ATRNL1: variants seen among roughly 807,000 people sequenced by gnomAD.
The protein encoded by ATRNL1 is attractin like 1.
A neutral mutation model predicts 182.7 loss-of-function variants in ATRNL1; 95 were observed. That is an observed-to-expected ratio of 0.52 (90% CI 0.44 to 0.62). The LOEUF (loss-of-function observed/expected upper bound fraction) is 0.62. ATRNL1 is among the 20% of genes least tolerant of loss of function. The pLI is 0.00. For missense variants in ATRNL1, 1,471 were observed against 1,679.5 expected (o/e 0.88, Z 2.17); for synonymous variants, 576 against 568.3 (o/e 1.01, Z -0.19).
At chr10:115,513,983 G>C (rs1850516067) in intron 24 of ATRNL1, among the ~76,000 whole-genome samples, 2 of 151,770 alleles carry the variant, frequency 1.3e-5, no homozygotes, top group Admixed American at 1.3e-4. Flanking sequence ...AGTGTCCCTT[G>C]CATCAGTTTT....
chr10:115,646,132 A>G (rs1254755141), intron 26 of ATRNL1, among the ~76,000 whole-genome samples: 2 of 151,622 alleles, frequency 1.3e-5, no homozygotes, highest in Non-Finnish European at 2.9e-5. Context: ...TATAAAGGAG[A>G]TGATCTTTAT....
chr10:115,682,724 C>T (rs1305125929), intron 26 of ATRNL1, among the ~76,000 whole-genome samples: 1 of 152,000 alleles, frequency 6.6e-6, no homozygotes, highest in African/African-American at 2.4e-5. Context: ...CAGTTCCCTA[C>T]CTTTATGCTC....
chr10:115,640,869 T>TA (rs1207056335), intron 26 of ATRNL1, among the ~76,000 whole-genome samples: 29 of 151,972 alleles, frequency 1.9e-4, no homozygotes, highest in Non-Finnish European at 2.9e-5. Flanking sequence ...TGAATGGTAT[T>TA]GCCTAGGTTT....
At chr10:115,488,434 C>T (rs1420222914) in intron 24 of ATRNL1, among the ~76,000 whole-genome samples, 1 of 152,094 alleles carries the variant, frequency 6.6e-6, no homozygotes, top group African/African-American at 2.4e-5. Context: ...TCAACTTATT[C>T]CTGGTTTAAT....
At chr10:115,864,992 AAAAAG>A (rs1483723142) in intron 28 of ATRNL1, among the ~76,000 whole-genome samples, 16 of 151,866 alleles carry the variant, frequency 1.1e-4, no homozygotes, top group Middle Eastern at 3.4e-3. Flanking sequence ...AAAAAAAAAA[AAAAAG>A]AAAAGACCAG....
At chr10:115,193,073 T>C (rs1848229257) in intron 8 of ATRNL1, among the ~76,000 whole-genome samples, 1 of 152,064 alleles carries the variant, frequency 6.6e-6, no homozygotes. Context: ...TTCTCTTGTC[T>C]AATTGCTGTA....
At chr10:115,250,046 G>C (rs1850808885) in intron 10 of ATRNL1, among the ~76,000 whole-genome samples, 1 of 152,092 alleles carries the variant, frequency 6.6e-6, no homozygotes, top group Non-Finnish European at 1.5e-5. Context: ...TTGTTATCTG[G>C]ACAGCAGAGA....
At chr10:115,223,836 C>G (rs1203602540) in intron 9 of ATRNL1, among the ~76,000 whole-genome samples, 1 of 144,460 alleles carries the variant, frequency 6.9e-6, no homozygotes, top group African/African-American at 2.6e-5. Flanking sequence ...AAGAAAAACC[C>G]TAATATATAT....
chr10:115,126,419 G>T (rs911369608), intron 3 of ATRNL1, among the ~76,000 whole-genome samples: 1 of 152,032 alleles, frequency 6.6e-6, no homozygotes, highest in East Asian at 1.9e-4. Flanking sequence ...CTATTATAAA[G>T]ACCTATTTTT....
intron 13 of ATRNL1, among the ~76,000 whole-genome samples, chr10:115,276,977 T>A (rs1027523490): frequency 6.6e-6 from 1 of 152,130 alleles, no homozygotes; most frequent in South Asian, 2.1e-4. Flanking sequence ...CATAAAACTA[T>A]TATTCTTTTT....
At chr10:115,558,822 G>A (rs571836433) in intron 26 of ATRNL1, among the ~76,000 whole-genome samples, 8 of 151,908 alleles carry the variant, frequency 5.3e-5, no homozygotes, top group Non-Finnish European at 1.0e-4. Flanking sequence ...TTCTCAGTAA[G>A]AACAGCAAAT....
At chr10:115,329,080 A>T (rs1392799528) in intron 18 of ATRNL1, among the ~76,000 whole-genome samples, 2 of 152,078 alleles carry the variant, frequency 1.3e-5, no homozygotes, top group African/African-American at 4.8e-5. Context: ...CCCATAAAAA[A>T]TGTATAGAGT....
chr10:115,555,828 TAGTC>T (rs1396303277), intron 26 of ATRNL1, among the ~76,000 whole-genome samples: 2 of 152,028 alleles, frequency 1.3e-5, no homozygotes. Flanking sequence ...TATAAACAAA[TAGTC>T]AAATAATGGG....
chr10:115,536,397 G>A (rs1554990357), intron 25 of ATRNL1, among the ~76,000 whole-genome samples: 1 of 152,208 alleles, frequency 6.6e-6, no homozygotes, highest in African/African-American at 2.4e-5. Flanking sequence ...GACTCCGTGG[G>A]CGTAGGACCC....
rs550049489 is a variant in ATRNL1 at position 115,134,414 on chromosome 10, T to G, written c.829+4879T>G. Reference sequence around the variant, plus strand: ...TCAGAGAATACTATAAACACCTCTATGCAAATGAACTAGAAAATCTAGAAG... The same window carrying G: ...TCAGAGAATACTATAAACACCTCTAGGCAAATGAACTAGAAAATCTAGAAG... On this transcript the variant is annotated intron_variant, in intron 5 of 28. Transcript: ENST00000355044. 2.0e-5 allele frequency among the ~76,000 whole-genome samples: 3 copies of G among 152,048 alleles called. No homozygotes were observed. The East Asian group carries it at 5.8e-4, about 29-fold the overall frequency.
chr10:115,152,555 A>C (rs1846288985), intron 5 of ATRNL1, among the ~76,000 whole-genome samples: 1 of 152,070 alleles, frequency 6.6e-6, no homozygotes, highest in Admixed American at 6.6e-5. Flanking sequence ...TGATTTTTGC[A>C]CATGATTTTG....
intron 19 of ATRNL1, among the ~76,000 whole-genome samples, chr10:115,383,989 T>C (rs1554951922): frequency 6.6e-6 from 1 of 152,046 alleles, no homozygotes. Flanking sequence ...AGTAACATTA[T>C]TTAAAATATA....
chr10:115,941,868 G>C (rs1294012882), intron 28 of ATRNL1, among the ~76,000 whole-genome samples: 2 of 152,168 alleles, frequency 1.3e-5, no homozygotes, highest in Non-Finnish European at 2.9e-5. Flanking sequence ...TGCAGAATAA[G>C]TGTTTAAAAC....
chr10:115,813,771 T>C (rs1950102179), intron 27 of ATRNL1, among the ~76,000 whole-genome samples: 1 of 152,162 alleles, frequency 6.6e-6, no homozygotes. Flanking sequence ...AAAGATAAAC[T>C]ACAGTAATGG....
Sources: allele counts gnomAD v4.1 joint callset (sites outside exome capture counted in the v4.1 genomes callset), GRCh38; gene constraint gnomAD v4.1.1; transcripts MANE v1.5; gene names NCBI Gene and HGNC (gene_info 2026-07-23, HGNC 2026-07-21).